The following ZFYVE26 variants were observed in gnomAD, a reference collection of about 807,000 sequenced individuals.
ZFYVE26 encodes the protein zinc finger FYVE domain-containing protein 26.
A neutral mutation model predicts 276.5 loss-of-function variants in ZFYVE26; 181 were observed. That is an observed-to-expected ratio of 0.65 (90% CI 0.58 to 0.74). The LOEUF (loss-of-function observed/expected upper bound fraction) is 0.74. Ranked by LOEUF, ZFYVE26 falls within the 30% of genes least tolerant of loss-of-function variation. ZFYVE26 has a pLI of 0.00. For missense variants in ZFYVE26, 2,821 were observed against 3,097.9 expected, an observed-to-expected ratio of 0.91 and a Z score of 2.12; for synonymous variants, 1,129 against 1,203.1, an observed-to-expected ratio of 0.94 and a Z score of 1.27.
chr14:67,783,630 C>T (rs1356756863), intron 20 of ZFYVE26, 105 bp from the exon 21 acceptor site: 2 of 1,443,170 alleles, frequency 1.4e-6, no homozygotes, highest in South Asian at 1.2e-5. Context: ...AATAAAAGTT[C>T]CTAATTGTCA....
chr14:67,761,652 G>A, intron 34 of ZFYVE26, 68 bp from the exon 35 acceptor site: 1 of 1,383,054 alleles, frequency 7.2e-7, no homozygotes, highest in Non-Finnish European at 1.0e-6. Flanking sequence ...TGAAAATATT[G>A]CTTGCAAAGA....
At chr14:67,776,880 G>A (rs1202545851) in intron 25 of ZFYVE26, among the ~76,000 whole-genome samples, 1 of 152,208 alleles carries the variant, frequency 6.6e-6, no homozygotes, top group Non-Finnish European at 1.5e-5. Context: ...CGTTCTATTT[G>A]TGGGGTAGTA....
chr14:67,782,717 A>T, intron 21 of ZFYVE26, 63 bp downstream of exon 21: 1 of 1,604,924 alleles, frequency 6.2e-7, no homozygotes, highest in Non-Finnish European at 8.5e-7. Flanking sequence ...AAATGTGATA[A>T]TATACCCAGT....
intron 13 of ZFYVE26, among the ~76,000 whole-genome samples, chr14:67,740,935 T>C (rs527729776): frequency 6.6e-6 from 1 of 152,152 alleles, no homozygotes; most frequent in East Asian, 1.9e-4. Flanking sequence ...TATGAATTGT[T>C]TAATATTGCA....
intron 12 of ZFYVE26, chr14:67,796,220 A>AT (rs71129861): frequency 0.65 from 94,177 of 145,790 alleles, 30,491 homozygotes; most frequent in East Asian, 0.91. Flanking sequence ...AGAAGAAAGG[A>AT]TTTTTTTTTT....
chr14:67,733,868 T>C (rs1396872078), intron 13 of ZFYVE26: 1 of 1,559,176 alleles, frequency 6.4e-7, no homozygotes. Flanking sequence ...GAGCTGCAGC[T>C]TTATCAGGCC....
intron 8 of ZFYVE26, among the ~76,000 whole-genome samples, chr14:67,804,670 A>G (rs1350975943): frequency 1.3e-5 from 2 of 152,220 alleles, no homozygotes; most frequent in African/African-American, 4.8e-5. Context: ...AGTGAAGAAC[A>G]AGATAGAAAC....
chr14:67,752,031 A>G (rs2038660168), intron 40 of ZFYVE26, among the ~76,000 whole-genome samples: 1 of 152,224 alleles, frequency 6.6e-6, no homozygotes, highest in African/African-American at 2.4e-5. Flanking sequence ...ACAGGCTTCA[A>G]AGTTCATCTG....
intron 13 of ZFYVE26, among the ~76,000 whole-genome samples, chr14:67,731,710 G>C (rs1431960043): frequency 6.6e-6 from 1 of 152,142 alleles, no homozygotes; most frequent in Non-Finnish European, 1.5e-5. Flanking sequence ...TTTATACATA[G>C]AGAACAGTCT....
rs376709724 is a variant in ZFYVE26 at position 67,790,763 on chromosome 14, G to A, written c.2564C>T (p.Thr855Met). The A allele has an allele frequency of 8.7e-6, 14 of 1,614,046 alleles. No homozygotes were observed. The highest frequency in any genetic ancestry group is 2.2e-5 in the East Asian group (1 of 44,868). ...ACTGGGTGAGGACTTCAGGTTGAAC[G>A]TGAACAGCACCTGTCATAGGAGAGG... Reference protein sequence around the residue: ...NFAEAHQVLFTFNLKSSPSSG... With the variant: ...NFAEAHQVLFMFNLKSSPSSG... The change falls in exon 15 of 42, where the codon ACG becomes ATG. Residue 855 changes from threonine to methionine, a missense_variant. Physicochemically the swap from Thr to Met is moderately conservative, Grantham distance 81. Transcript: ENST00000347230.
chr14:67,773,256 A>G (rs1445220763), intron 27 of ZFYVE26, among the ~76,000 whole-genome samples: 3 of 152,220 alleles, frequency 2.0e-5, no homozygotes, highest in African/African-American at 7.2e-5. Context: ...AATTTTCCAT[A>G]ATAAAAACTC....
rs759556610 is a variant in ZFYVE26, at chr14:67,780,259, G to A, written c.4656C>T (p.Asn1552=). ...ACGGTACCTGTGCTTCTAGAATCAT[G>A]TTCATGACAGTTGATGGGTCCTCAA... The part of the protein sequence containing the change: ...CCVEDPSTVM[N]MILEAQEYEL... The change falls in exon 23 of 42, where the codon AAC becomes AAT. Residue 1552 remains asparagine, a synonymous_variant. Transcript: ENST00000347230. 6.2e-7 allele frequency: 1 copy of A among 1,613,964 alleles called. No homozygotes were observed.
rs1198900237 is a variant in ZFYVE26 at position 67,790,521 on chromosome 14, C to T, written c.2755+51G>A. 9 of 1,594,654 alleles carry T rather than the reference C, an allele frequency of 5.6e-6. No individual in the cohort carries two copies. The East Asian group carries it at 1.6e-4, about 28-fold the overall frequency. ...GATTTTAGTGGTTTCTCCCCTTTTA[C>T]CCCCTCTCCCAGCCACCTCACCACT... On this transcript the variant is annotated intron_variant, in intron 15 of 41. Coordinates refer to ENST00000347230, the MANE Select transcript of ZFYVE26 (RefSeq NM_015346.4).
rs140471625 is a variant in ZFYVE26, at chr14:67,769,630, C to A, written c.5585G>T (p.Arg1862Leu). Reference sequence around the variant, plus strand: ...GTAACTATAGCACTGATCACACACACGAGCAGGGTTCTCTCTGCAGCCTTC... The same window carrying A: ...GTAACTATAGCACTGATCACACACAAGAGCAGGGTTCTCTCTGCAGCCTTC... ...VVEGCRENPA[R>L]VCDQCYSYCN... Residue 1862 changes from arginine to leucine, a missense_variant, in exon 29 of 42, where the codon CGT (arginine) becomes CTT (leucine). Arg to Leu is a moderately radical substitution (Grantham distance 102). Transcript: ENST00000347230. 11 of 1,613,874 alleles carry A rather than the reference C, an allele frequency of 6.8e-6. No homozygotes were observed. Among genetic ancestry groups the A allele is most frequent in the Non-Finnish European group, 1.7e-6 (2 of 1,179,912 alleles).
At chr14:67,790,978 G>C (rs2039799393) in intron 14 of ZFYVE26, among the ~76,000 whole-genome samples, 1 of 152,136 alleles carries the variant, frequency 6.6e-6, no homozygotes, top group South Asian at 2.1e-4. Context: ...AGCCTCAGTA[G>C]AAAATAGGCA....
intron 35 of ZFYVE26, among the ~76,000 whole-genome samples, chr14:67,759,264 A>T (rs1279295250): frequency 6.7e-6 from 1 of 148,310 alleles, no homozygotes. Context: ...AAAAAAAAAA[A>T]AAGGAAAACA....
chr14:67,748,647 T>G lies in ZFYVE26; in HGVS notation c.7417-8A>C. On this transcript the variant is annotated splice_polypyrimidine_tract_variant and splice_region_variant and intron_variant, in intron 41 of 41. Transcript: ENST00000347230. ...TATCAGGTAGGCCCGAACCTGGCAGTCAGTTATAAGAGACAGCGGAAAGGC... is the reference window on the plus strand; with the variant it reads ...TATCAGGTAGGCCCGAACCTGGCAGGCAGTTATAAGAGACAGCGGAAAGGC... The G allele has an allele frequency of 6.2e-7, 1 of 1,613,652 alleles. No homozygotes were observed. Among genetic ancestry groups the G allele is most frequent in the South Asian group, 1.1e-5 (1 of 91,052 alleles).
Position 67,755,217 on chromosome 14 carries a change from A to C in ZFYVE26, c.6820T>G (p.Phe2274Val), listed in dbSNP as rs1309782592. 6.2e-7 allele frequency: 1 copy of C among 1,614,156 alleles called. No homozygotes were observed. The highest frequency in any genetic ancestry group is 1.1e-5 in the South Asian group (1 of 91,076). The change falls in exon 37 of 42, where the codon TTC becomes GTC. Residue 2274 changes from phenylalanine to valine, a missense_variant. Coordinates refer to ENST00000347230, the MANE Select transcript of ZFYVE26 (RefSeq NM_015346.4). Reference sequence around the variant, plus strand: ...TATGACTTTGCTTTGTGACTGAAGAACCGAATACAGGTCATGGCGGCCCGA... The same window carrying C: ...TATGACTTTGCTTTGTGACTGAAGACCCGAATACAGGTCATGGCGGCCCGA... Reference protein sequence around the residue: ...QVRAAMTCIRFFSHKAKSYTE... With the variant: ...QVRAAMTCIRVFSHKAKSYTE...
rs753147203 is a variant in ZFYVE26 at position 67,761,602 on chromosome 14, G to A, written c.6370-18C>T. 19 of 1,609,820 alleles carry A rather than the reference G, an allele frequency of 1.2e-5. No homozygotes were observed. The highest frequency in any genetic ancestry group is 1.1e-4 in the African/African-American group (8 of 74,830). ...TCATCTTGCTGACAGCACAGGGAGC[G>A]AGAGAGAAAAATGAAACTCAAAAAG... On this transcript the variant is annotated intron_variant, in intron 34 of 41. Transcript: ENST00000347230.
Sources: gnomAD v4.1 joint callset for allele counts (sites outside exome capture counted in the v4.1 genomes callset) on GRCh38, gnomAD v4.1.1 for gene constraint, MANE v1.5 for transcripts, NCBI Gene and HGNC (gene_info 2026-07-23, HGNC 2026-07-21) for gene names.